Variants in CRACD observed in about 807,000 individuals in gnomAD.
CRACD encodes capping protein-inhibiting regulator of actin dynamics.
A neutral mutation model predicts 106.8 loss-of-function variants in CRACD; 56 were observed. The observed-to-expected ratio is 0.52, with a 90% CI of 0.42 to 0.66. CRACD has a LOEUF of 0.66. Ranked by LOEUF, CRACD falls within the 30% of genes least tolerant of loss-of-function variation. CRACD has a pLI of 0.00. For synonymous variants in CRACD, 754 were observed against 670.8 expected (o/e 1.12, Z -1.92); for missense variants, 1,730 against 1,623.2 (o/e 1.07, Z -1.13).
intron 1 of CRACD, among the ~76,000 whole-genome samples, chr4:56,130,492 C>A (rs1444793742): frequency 6.6e-6 from 1 of 152,080 alleles, no homozygotes; most frequent in African/African-American, 2.4e-5. Context: ...TACCCTAAAT[C>A]TTTTAAGATC....
intron 3 of CRACD, among the ~76,000 whole-genome samples, chr4:56,286,458 A>C (rs1436620653): frequency 6.9e-6 from 1 of 144,796 alleles, no homozygotes; most frequent in African/African-American, 2.5e-5. Flanking sequence ...CCCGGGAGGC[A>C]GAGCTTACAG....
chr4:56,217,725 G>A (rs1006989955), intron 2 of CRACD, among the ~76,000 whole-genome samples: 3 of 150,190 alleles, frequency 2.0e-5, no homozygotes, highest in Non-Finnish European at 4.4e-5. Context: ...TGCAAAGGGA[G>A]GAAGGTATAA....
intron 1 of CRACD, among the ~76,000 whole-genome samples, chr4:56,095,090 G>A (rs1016898975): frequency 1.3e-5 from 2 of 152,096 alleles, no homozygotes; most frequent in Non-Finnish European, 2.9e-5. Flanking sequence ...GGGTGCTCGC[G>A]CCTGTAATCC....
chr4:56,325,161 C>G (rs1318485986), intron 10 of CRACD, among the ~76,000 whole-genome samples: 1 of 151,984 alleles, frequency 6.6e-6, no homozygotes, highest in Non-Finnish European at 1.5e-5. Context: ...ATGGCGAAAC[C>G]CCGTCTCTAC....
At position 56,323,388 on chromosome 4, in the gene CRACD, C is replaced by T. The variant is rs976615490; in HGVS notation, c.3199C>T (p.Leu1067Phe). ...CTTATTCCCCACAGAGAAGCCGATG[C>T]TTCAGAGCAGACACTCCTTAGATGG... is the stretch of plus-strand genomic sequence containing the variant. The part of the protein sequence containing the change: ...PEAGRKEKPM[L>F]QSRHSLDGSK... The change falls in exon 9 of 11, where the codon CTT (leucine) becomes TTT (phenylalanine). Residue 1067 changes from leucine to phenylalanine, a missense_variant. Transcript: ENST00000682029. The T allele has an allele frequency of 3.7e-6, 6 of 1,601,624 alleles. No individual in the cohort carries two copies. The highest frequency in any genetic ancestry group is 2.2e-5 in the East Asian group (1 of 44,614).
chr4:56,051,713 C>T (rs1254073750), intron 1 of CRACD, among the ~76,000 whole-genome samples: 1 of 152,154 alleles, frequency 6.6e-6, no homozygotes, highest in Admixed American at 6.5e-5. Flanking sequence ...AATTAGACCC[C>T]ATGAAAAAGT....
rs1491420830 is a variant in CRACD at position 56,286,525 on chromosome 4, C to CAAAAAAAGAAAAA, written c.-16-11682_-16-11681insGAAAAAAAAAAAA. Among the ~76,000 whole-genome samples, 14 of 89,382 alleles carry CAAAAAAAGAAAAA rather than the reference C, an allele frequency of 1.6e-4. 1 individual carries two copies. Among genetic ancestry groups the CAAAAAAAGAAAAA allele is most frequent in the Non-Finnish European group, 2.7e-4 (12 of 45,098 alleles). The allele number at this position is 89,382 out of a possible 152,430, so 58.6% of individuals were successfully genotyped here. A position where few individuals can be genotyped will look rare whatever the true frequency, so the allele number is the denominator to read the frequency against. ...TGGGCGACAGAGCGAGACTCCGTCTCAAAAAAAAAAAAAAAAAAAAAAGAT... is the reference window on the plus strand; with the variant it reads ...TGGGCGACAGAGCGAGACTCCGTCTCAAAAAAAGAAAAAAAAAAAAAAAAAAAAAAAAAAAGAT... On this transcript the variant is annotated intron_variant, in intron 3 of 10. Coordinates refer to ENST00000682029, the MANE Select transcript of CRACD (RefSeq NM_001393381.1).
chr4:56,178,343 CTGTGCCT>C (rs1175896586), intron 1 of CRACD, among the ~76,000 whole-genome samples: 1 of 152,150 alleles, frequency 6.6e-6, no homozygotes, highest in African/African-American at 2.4e-5. Flanking sequence ...TAGTTTTGCC[CTGTGCCT>C]CCTAAAAAAC....
rs2109763604 is a variant in CRACD at position 56,313,188 on chromosome 4, C to T, written c.355-9C>T. 5 of 1,612,896 alleles carry T rather than the reference C, an allele frequency of 3.1e-6. No homozygotes were observed. Among genetic ancestry groups the T allele is most frequent in the Non-Finnish European group, 3.4e-6 (4 of 1,179,216 alleles). The stretch of plus-strand genomic sequence containing the variant: ...CCCAACTGACTTTCTATTTTAATCT[C>T]CCCTACAGGTTGCTCCCGTTAAACC... On this transcript the variant is annotated splice_polypyrimidine_tract_variant and intron_variant, in intron 6 of 10. Coordinates refer to ENST00000682029, the MANE Select transcript of CRACD (RefSeq NM_001393381.1).
intron 8 of CRACD, among the ~76,000 whole-genome samples, chr4:56,316,959 G>A (rs542700449): frequency 2.0e-5 from 3 of 152,246 alleles, no homozygotes; most frequent in African/African-American, 4.8e-5. Flanking sequence ...CATTAGCCAC[G>A]TAGGTCGTGA....
At chr4:56,078,856 T>C (rs756807370) in intron 1 of CRACD, among the ~76,000 whole-genome samples, 7 of 152,200 alleles carry the variant, frequency 4.6e-5, no homozygotes, top group Non-Finnish European at 7.3e-5. Context: ...TTAGCCTGGT[T>C]GAGCAGAGAG....
chr4:56,091,749 A>G (rs999066274), intron 1 of CRACD, among the ~76,000 whole-genome samples: 8 of 152,218 alleles, frequency 5.3e-5, no homozygotes, highest in African/African-American at 1.9e-4. Flanking sequence ...ACGAATTTCC[A>G]TATGATATTG....
intron 1 of CRACD, among the ~76,000 whole-genome samples, chr4:56,116,367 T>C (rs1190074383): frequency 1.3e-5 from 2 of 152,224 alleles, no homozygotes; most frequent in African/African-American, 4.8e-5. Context: ...CATGTTTGTC[T>C]TCATTTCTAT....
chr4:56,325,992 G>GCCT (rs879538888), intron 10 of CRACD, among the ~76,000 whole-genome samples: 4 of 152,158 alleles, frequency 2.6e-5, no homozygotes, highest in Non-Finnish European at 5.9e-5. Flanking sequence ...GCTCACTGCA[G>GCCT]CCTCCGCCTC....
intron 2 of CRACD, among the ~76,000 whole-genome samples, chr4:56,231,957 A>G (rs1169295215): frequency 6.6e-6 from 1 of 152,236 alleles, no homozygotes; most frequent in Non-Finnish European, 1.5e-5. Context: ...GCTATGCACC[A>G]TGAAGAAATA....
intron 1 of CRACD, among the ~76,000 whole-genome samples, chr4:56,100,168 G>C (rs892445943): frequency 3.3e-5 from 5 of 152,022 alleles, no homozygotes; most frequent in Non-Finnish European, 5.9e-5. Flanking sequence ...GTTTGAACTC[G>C]GGAAGCGGAG....
At chr4:56,311,955 C>A (rs1745184836) in intron 6 of CRACD, among the ~76,000 whole-genome samples, 1 of 152,082 alleles carries the variant, frequency 6.6e-6, no homozygotes, top group South Asian at 2.1e-4. Flanking sequence ...CTGATCTTTC[C>A]AAATCTACCC....
chr4:56,325,002 T>A (rs896254172), intron 10 of CRACD, among the ~76,000 whole-genome samples: 2 of 152,122 alleles, frequency 1.3e-5, no homozygotes, highest in Non-Finnish European at 2.9e-5. Context: ...TATACAAGTA[T>A]GGTGTATATA....
intron 3 of CRACD, among the ~76,000 whole-genome samples, chr4:56,292,528 A>ATT (rs879473883): frequency 3.1e-4 from 46 of 146,038 alleles, no homozygotes; most frequent in African/African-American, 1.1e-3. Flanking sequence ...CAGCCTCTAA[A>ATT]TTTTTTTTTT....
Sources: gnomAD v4.1 joint callset for allele counts (sites outside exome capture counted in the v4.1 genomes callset) on GRCh38, gnomAD v4.1.1 for gene constraint, MANE v1.5 for transcripts, NCBI Gene and HGNC (gene_info 2026-07-23, HGNC 2026-07-21) for gene names.